The following PCBP3 variants were observed in gnomAD, a reference collection of about 807,000 sequenced individuals.
PCBP3 encodes the protein poly(rC) binding protein 3.
A neutral mutation model predicts 52.7 loss-of-function variants in PCBP3; 25 were observed. That is an observed-to-expected ratio of 0.47 (90% confidence interval 0.35 to 0.66). PCBP3 has a LOEUF of 0.66. PCBP3 is among the 30% of genes least tolerant of loss of function. The pLI is 0.01. For synonymous variants in PCBP3, 162 were observed against 183.0 expected, an observed-to-expected ratio of 0.89 and a Z score of 0.93; for missense variants, 391 against 490.3, an observed-to-expected ratio of 0.80 and a Z score of 1.91.
At chr21:45,675,935 C>T (rs2081435450) in intron 2 of PCBP3, among the ~76,000 whole-genome samples, 1 of 152,070 alleles carries the variant, frequency 6.6e-6, no homozygotes. Context: ...TTGATGAAGT[C>T]GTAGGAATGA....
At chr21:45,775,454 G>A (rs1189620509) in intron 4 of PCBP3, among the ~76,000 whole-genome samples, 2 of 152,010 alleles carry the variant, frequency 1.3e-5, no homozygotes, top group African/African-American at 4.8e-5. Context: ...GTCTCACTCT[G>A]TTACCCAGGC....
chr21:45,909,269 TG>T, intron 9 of PCBP3, 85 bp from the exon 10 acceptor site: 2 of 1,391,404 alleles, frequency 1.4e-6, no homozygotes, highest in Non-Finnish European at 9.9e-7. Flanking sequence ...CTTCTGAGTG[TG>T]GGAAGTCAGG....
Position 45,846,434 on chromosome 21 carries a change from T to G in PCBP3, c.-125-3527T>G, listed in dbSNP as rs559730153. On this transcript the variant is annotated intron_variant, in intron 4 of 17. Coordinates refer to ENST00000681687, the MANE Select transcript of PCBP3 (RefSeq NM_001384156.1). ...TACAAGCTAGTTTTTTGTTTGTTTT[T>G]TTTTTTTAACGAATGTTTCAAGTAT... Among the ~76,000 whole-genome samples the G allele has an allele frequency of 5.3e-3, 806 of 152,192 alleles. 4 individuals carry two copies. The highest frequency in any genetic ancestry group is 0.018 in the African/African-American group (754 of 41,492).
intron 5 of PCBP3, among the ~76,000 whole-genome samples, chr21:45,850,687 A>G (rs1164760578): frequency 6.6e-6 from 1 of 152,266 alleles, no homozygotes; most frequent in East Asian, 1.9e-4. Flanking sequence ...CTTAAGCAAT[A>G]TAATAAATAA....
At chr21:45,855,257 A>G (rs2094231597) in intron 5 of PCBP3, among the ~76,000 whole-genome samples, 1 of 152,194 alleles carries the variant, frequency 6.6e-6, no homozygotes. Context: ...CAGGAGGGAA[A>G]AGAGGAATCC....
At chr21:45,895,107 CCT>C (rs1491195203) in intron 5 of PCBP3, among the ~76,000 whole-genome samples, 12 of 152,208 alleles carry the variant, frequency 7.9e-5, no homozygotes, top group South Asian at 4.1e-4. Context: ...CCGTCCACCC[CCT>C]GACACCTGTG....
chr21:45,653,096 T>C (rs765035133), intron 1 of PCBP3, among the ~76,000 whole-genome samples: 3 of 152,230 alleles, frequency 2.0e-5, no homozygotes, highest in Non-Finnish European at 4.4e-5. Context: ...AGCAAAATTA[T>C]ATTGCCCAAA....
At chr21:45,924,113 A>C (rs62213800) in intron 13 of PCBP3, among the ~76,000 whole-genome samples, 445 of 29,262 alleles carry the variant, frequency 0.015, 3 homozygotes, top group Middle Eastern at 0.022. Context: ...GGAACAGTCG[A>C]GTGGGTAGAA....
At chr21:45,719,060 CG>C (rs1008802855) in intron 2 of PCBP3, among the ~76,000 whole-genome samples, 5 of 152,052 alleles carry the variant, frequency 3.3e-5, no homozygotes, top group African/African-American at 1.2e-4. Context: ...GCTAATGGGA[CG>C]GGAGGTCAGT....
intron 5 of PCBP3, among the ~76,000 whole-genome samples, chr21:45,867,726 A>G (rs2094803440): frequency 6.6e-6 from 1 of 152,274 alleles, no homozygotes; most frequent in Non-Finnish European, 1.5e-5. Context: ...TCATGAACAC[A>G]GGACAGCAAG....
At chr21:45,789,868 A>G (rs549881876) in intron 4 of PCBP3, among the ~76,000 whole-genome samples, 2 of 152,146 alleles carry the variant, frequency 1.3e-5, no homozygotes, top group South Asian at 2.1e-4. Context: ...GGCCGGGCGC[A>G]GTGGCTCACG....
At chr21:45,750,844 A>G (rs2146314019) in intron 3 of PCBP3, 1 of 152,240 alleles carries the variant, frequency 6.6e-6, no homozygotes, top group South Asian at 2.1e-4. Flanking sequence ...ATGTACACAT[A>G]CACACCTCTG....
chr21:45,835,147 T>C (rs567866127), intron 4 of PCBP3, among the ~76,000 whole-genome samples: 1 of 152,304 alleles, frequency 6.6e-6, no homozygotes, highest in Admixed American at 6.5e-5. Flanking sequence ...CATCTTTTCC[T>C]GAGGTGAGAG....
chr21:45,846,432 T>TG (rs1157681593), intron 4 of PCBP3, among the ~76,000 whole-genome samples: 3 of 145,308 alleles, frequency 2.1e-5, no homozygotes, highest in Non-Finnish European at 4.4e-5. Flanking sequence ...TTTGTTTGTT[T>TG]TTTTTTTTTA....
chr21:45,663,299 CAATA>C (rs1269445551), intron 1 of PCBP3, among the ~76,000 whole-genome samples: 1 of 151,960 alleles, frequency 6.6e-6, no homozygotes, highest in Non-Finnish European at 1.5e-5. Context: ...GTCTTGTATC[CAATA>C]AATAACAGCG....
At chr21:45,650,880 CAGA>C (rs1240588704) in intron 1 of PCBP3, among the ~76,000 whole-genome samples, 3 of 152,066 alleles carry the variant, frequency 2.0e-5, no homozygotes, top group Admixed American at 6.5e-5. Context: ...TTTCATTGGC[CAGA>C]AGGAGTCATT....
At chr21:45,822,260 A>G (rs1171337089) in intron 4 of PCBP3, among the ~76,000 whole-genome samples, 2 of 152,194 alleles carry the variant, frequency 1.3e-5, no homozygotes, top group Non-Finnish European at 2.9e-5. Flanking sequence ...CCCCCACTGC[A>G]GCCTGAGCCT....
intron 5 of PCBP3, among the ~76,000 whole-genome samples, chr21:45,861,020 T>C (rs1603452335): frequency 1.3e-5 from 2 of 152,196 alleles, no homozygotes; most frequent in African/African-American, 4.8e-5. Flanking sequence ...CAGCGGCTCC[T>C]CCTGCCCATC....
chr21:45,646,053 T>TTCTCTCTCTCTCTCTCTCTCTCTC (rs10682556), intron 1 of PCBP3, among the ~76,000 whole-genome samples: 2 of 71,540 alleles, frequency 2.8e-5, no homozygotes, highest in Non-Finnish European at 2.9e-5. Flanking sequence ...TGTCACCTGT[T>TTCTCTCTCTCTCTCTCTCTCTCTC]TCTCTCTCTC....
Sources: gnomAD v4.1 joint callset for allele counts (sites outside exome capture counted in the v4.1 genomes callset) on GRCh38, gnomAD v4.1.1 for gene constraint, MANE v1.5 for transcripts, NCBI Gene and HGNC (gene_info 2026-07-23, HGNC 2026-07-21) for gene names.